Variants in COL5A2 observed in about 807,000 individuals in gnomAD.
COL5A2 encodes collagen type V alpha 2 chain, also known as collagen alpha-2(V) chain.
In COL5A2, 23 loss-of-function variants were observed where a neutral mutation model predicts 208.2. The observed-to-expected ratio is 0.11, with a 90% CI of 0.08 to 0.16. The LOEUF is 0.16. Ranked by LOEUF, COL5A2 falls within the 10% of genes least tolerant of loss-of-function variation. COL5A2 has a pLI of 1.00. For missense variants in COL5A2, 1,590 were observed against 1,956.4 expected (o/e 0.81, Z 3.53); for synonymous variants, 625 against 628.5 (o/e 0.99, Z 0.08).
intron 17 of COL5A2, among the ~76,000 whole-genome samples, chr2:189,072,886 A>T (rs1018049330): frequency 6.6e-6 from 1 of 152,100 alleles, no homozygotes; most frequent in African/African-American, 2.4e-5. Context: ...AATTTAAACC[A>T]TTGATTAAAA....
intron 24 of COL5A2, 123 bp downstream of exon 24, chr2:189,064,881 A>G: frequency 1.0e-6 from 1 of 968,892 alleles, no homozygotes; most frequent in Non-Finnish European, 1.6e-6. Context: ...TAGGCCTGGT[A>G]TTTGTATCCA....
intron 1 of COL5A2, among the ~76,000 whole-genome samples, chr2:189,194,201 C>T (rs191220078): frequency 6.6e-6 from 1 of 152,174 alleles, no homozygotes; most frequent in East Asian, 1.9e-4. Flanking sequence ...AAAAGTCTGA[C>T]AAATACTGCT....
In COL5A2 at chr2:189,036,817, T is replaced by G; in HGVS notation, c.3926-14A>C. On this transcript the variant is annotated splice_polypyrimidine_tract_variant and intron_variant, in intron 51 of 53. Transcript: ENST00000374866. ...TCCAGTATTCACCTATTTTTCAAAA[T>G]AGAAATTTTACTAAATAAAGACAAT... 1.3e-6 allele frequency: 2 copies of G among 1,585,192 alleles called. No individual in the cohort carries two copies. Among genetic ancestry groups the G allele is most frequent in the Non-Finnish European group, 1.7e-6 (2 of 1,157,612 alleles).
the COL5A2 span, among the ~76,000 whole-genome samples, chr2:189,419,857 GA>G: frequency 6.7e-6 from 1 of 149,642 alleles, no homozygotes; most frequent in Non-Finnish European, 1.5e-5. Context: ...GAAAGGAAAA[GA>G]GGTGAGAGGA....
chr2:189,334,952 G>T, the COL5A2 span, among the ~76,000 whole-genome samples: 3 of 151,912 alleles, frequency 2.0e-5, no homozygotes, highest in South Asian at 6.2e-4. Flanking sequence ...TTTTGAAAAG[G>T]TGTCAAGATA....
At chr2:189,405,366 G>A in the COL5A2 span, among the ~76,000 whole-genome samples, 2 of 151,848 alleles carry the variant, frequency 1.3e-5, no homozygotes, top group East Asian at 3.9e-4. Context: ...TGAACATCTG[G>A]GATTACAGGT....
chr2:189,245,815 T>G, the COL5A2 span, among the ~76,000 whole-genome samples: 1 of 152,228 alleles, frequency 6.6e-6, no homozygotes, highest in Admixed American at 6.5e-5. Flanking sequence ...AGAAGATTGT[T>G]CACCATTTGG....
At chr2:189,214,256 T>C (rs1402257250) in intron 1 of COL5A2, among the ~76,000 whole-genome samples, 3 of 152,096 alleles carry the variant, frequency 2.0e-5, no homozygotes, top group Non-Finnish European at 4.4e-5. Flanking sequence ...TTATTCTTTA[T>C]GTCCAGGAAA....
At chr2:189,194,685 T>C (rs986208515) in intron 1 of COL5A2, among the ~76,000 whole-genome samples, 1 of 152,184 alleles carries the variant, frequency 6.6e-6, no homozygotes, top group African/African-American at 2.4e-5. Flanking sequence ...TGGATTTCAA[T>C]GGGAATGCTG....
the COL5A2 span, among the ~76,000 whole-genome samples, chr2:189,245,889 T>A: frequency 6.6e-6 from 1 of 152,206 alleles, no homozygotes. Context: ...TTAGTACAAC[T>A]CTTCTGGCTG....
chr2:189,194,083 C>A (rs1688964344), intron 1 of COL5A2, among the ~76,000 whole-genome samples: 1 of 152,078 alleles, frequency 6.6e-6, no homozygotes, highest in Admixed American at 6.6e-5. Flanking sequence ...AGTCTTTCAT[C>A]ATTTTTAATT....
At chr2:189,433,355 G>A in the COL5A2 span, among the ~76,000 whole-genome samples, 1 of 152,156 alleles carries the variant, frequency 6.6e-6, no homozygotes, top group East Asian at 1.9e-4. Context: ...AAGAGATACA[G>A]ACACAAAAGA....
chr2:189,169,393 C>T (rs1305931937), intron 1 of COL5A2, among the ~76,000 whole-genome samples: 1 of 152,096 alleles, frequency 6.6e-6, no homozygotes. Context: ...TAGAAACTCT[C>T]CATTGGGAAA....
chr2:189,383,827 T>G, the COL5A2 span, among the ~76,000 whole-genome samples: 1 of 152,120 alleles, frequency 6.6e-6, no homozygotes, highest in Non-Finnish European at 1.5e-5. Context: ...ATCGTTGCCC[T>G]ATTGCACTAC....
Position 189,033,960 on chromosome 2 carries a change from G to T in COL5A2, c.*110C>A. 25 of 1,381,872 alleles carry T rather than the reference G, an allele frequency of 1.8e-5. No individual in the cohort carries two copies. Among genetic ancestry groups the T allele is most frequent in the Non-Finnish European group, 2.6e-5 (25 of 976,826 alleles). 85.6% of individuals were successfully genotyped at this position (1,381,872 alleles called of 1,614,324 possible). ...GACCATATATACAATGCTGATGCAG[G>T]ATCAGCCATTACTTCAAGAGTCTCA... On this transcript the variant is annotated 3_prime_UTR_variant, in exon 54 of 54. Coordinates refer to ENST00000374866, the MANE Select transcript of COL5A2 (RefSeq NM_000393.5).
the COL5A2 span, among the ~76,000 whole-genome samples, chr2:189,254,917 G>A: frequency 3.9e-5 from 6 of 152,156 alleles, no homozygotes; most frequent in Admixed American, 3.9e-4. Flanking sequence ...TAGCCATTCT[G>A]TATCTTATAA....
chr2:189,250,414 G>A, the COL5A2 span, among the ~76,000 whole-genome samples: 1 of 152,184 alleles, frequency 6.6e-6, no homozygotes. Flanking sequence ...TCTTAGCCAA[G>A]TAACAAAGTT....
upstream of COL5A2, among the ~76,000 whole-genome samples, chr2:189,229,441 C>CAA (rs1553531362): frequency 1.4e-4 from 15 of 107,280 alleles, no homozygotes; most frequent in Middle Eastern, 4.8e-3. Flanking sequence ...TACACACACA[C>CAA]AAAAAAAAAA....
chr2:189,078,411 G>T, intron 16 of COL5A2, 105 bp downstream of exon 16: 5 of 862,942 alleles, frequency 5.8e-6, no homozygotes, highest in Non-Finnish European at 9.8e-6. Flanking sequence ...AAAAAAAGGT[G>T]ACCAGTACTA....
Sources: gnomAD v4.1 joint callset for allele counts (sites outside exome capture counted in the v4.1 genomes callset) on GRCh38, gnomAD v4.1.1 for gene constraint, MANE v1.5 for transcripts, NCBI Gene and HGNC (gene_info 2026-07-23, HGNC 2026-07-21) for gene names.